Variants in GRAMD2A observed in about 807,000 individuals in gnomAD.
The protein encoded by GRAMD2A is GRAM domain-containing protein 2A.
A neutral mutation model predicts 51.1 loss-of-function variants in GRAMD2A; 37 were observed. The observed-to-expected ratio is 0.72, with a 90% CI of 0.56 to 0.95. The LOEUF (loss-of-function observed/expected upper bound fraction) is 0.95. Ranked by LOEUF, GRAMD2A falls within the 40% of genes least tolerant of loss-of-function variation. The pLI, the probability that GRAMD2A is intolerant of heterozygous loss-of-function variation, is 0.00. For missense variants in GRAMD2A, 414 were observed against 426.9 expected (o/e 0.97, Z 0.27); for synonymous variants, 136 against 157.1 (o/e 0.87, Z 1.01).
At chr15:72,177,971 A>C (rs940360843) in intron 1 of GRAMD2A, among the ~76,000 whole-genome samples, 1 of 151,888 alleles carries the variant, frequency 6.6e-6, no homozygotes, top group Non-Finnish European at 1.5e-5. Context: ...CAAGTGATCC[A>C]CCCGCCTCGG....
chr15:72,168,562 G>T lies in GRAMD2A; in HGVS notation c.197C>A (p.Thr66Lys). 2 of 1,613,276 alleles carry T rather than the reference G, an allele frequency of 1.2e-6. No individual in the cohort carries two copies. The highest frequency in any genetic ancestry group is 1.7e-6 in the Non-Finnish European group (2 of 1,179,386). Residue 66 changes from threonine to lysine, a missense_variant, in exon 4 of 12, where the codon ACA (threonine) becomes AAA (lysine). Coordinates refer to ENST00000309731, the MANE Select transcript of GRAMD2A (RefSeq NM_001012642.3). ...EIKKCGREGI[T>K]LNKYNQQYHK... The stretch of plus-strand genomic sequence containing the variant: ...GTATTGCTGGTTGTATTTATTCAGT[G>T]TTATCTGCAAACACACAGGCTGCGT...
At chr15:72,184,945 A>G (rs1283271037) in intron 1 of GRAMD2A, among the ~76,000 whole-genome samples, 1 of 152,242 alleles carries the variant, frequency 6.6e-6, no homozygotes, top group Non-Finnish European at 1.5e-5. Context: ...TTGGGCACCA[A>G]AGTAGGCAGA....
At chr15:72,165,463 A>C in intron 7 of GRAMD2A, 53 bp from the exon 8 acceptor site, 6 of 1,554,370 alleles carry the variant, frequency 3.9e-6, no homozygotes, top group Non-Finnish European at 4.4e-6. Flanking sequence ...AGGCAAGGTC[A>C]GGCAGGGGGA....
chr15:72,177,969 C>T (rs1025612146), intron 1 of GRAMD2A, among the ~76,000 whole-genome samples: 1 of 152,194 alleles, frequency 6.6e-6, no homozygotes, highest in African/African-American at 2.4e-5. Context: ...TTCAAGTGAT[C>T]CACCCGCCTC....
At chr15:72,192,987 G>T (rs970144172) in intron 1 of GRAMD2A, among the ~76,000 whole-genome samples, 5 of 151,942 alleles carry the variant, frequency 3.3e-5, no homozygotes, top group African/African-American at 9.7e-5. Context: ...TTAGTCGGGC[G>T]TGGTGGCACA....
intron 1 of GRAMD2A, among the ~76,000 whole-genome samples, chr15:72,180,615 A>G (rs2081690158): frequency 6.6e-6 from 1 of 152,166 alleles, no homozygotes; most frequent in South Asian, 2.1e-4. Flanking sequence ...TACCCACCTC[A>G]GAATTACTCT....
At chr15:72,178,568 C>CTTTTTTTTTTTTTT (rs537075334) in intron 1 of GRAMD2A, among the ~76,000 whole-genome samples, 3 of 84,200 alleles carry the variant, frequency 3.6e-5, no homozygotes, top group African/African-American at 1.4e-4. Flanking sequence ...CTTGCACTTT[C>CTTTTTTTTTTTTTT]TTTTTTTTTT....
At chr15:72,197,662 GCGCGGCAGCAGCCCCT>G in intron 1 of GRAMD2A, 53 bp downstream of exon 1, 3 of 1,206,938 alleles carry the variant, frequency 2.5e-6, no homozygotes, top group African/African-American at 1.6e-5. Context: ...GTCCTGCCCC[GCGCGGCAGCAGCCCCT>G]CGCGGCGGCC....
chr15:72,163,792 C>G, intron 8 of GRAMD2A, 35 bp from the exon 9 acceptor site: 1 of 1,597,122 alleles, frequency 6.3e-7, no homozygotes, highest in Non-Finnish European at 8.5e-7. Flanking sequence ...CTTACCATGG[C>G]CCTTGCGATC....
intron 1 of GRAMD2A, among the ~76,000 whole-genome samples, chr15:72,188,313 G>A (rs1459418173): frequency 6.6e-6 from 1 of 151,352 alleles, no homozygotes; most frequent in African/African-American, 2.4e-5. Context: ...CTCCAGCCTG[G>A]GCAACAGAGC....
At chr15:72,183,643 A>G (rs2081714508) in intron 1 of GRAMD2A, among the ~76,000 whole-genome samples, 1 of 152,234 alleles carries the variant, frequency 6.6e-6, no homozygotes, top group Non-Finnish European at 1.5e-5. Flanking sequence ...CAGCCTGGCC[A>G]ACATGGTGAA....
chr15:72,180,843 A>C (rs917290657), intron 1 of GRAMD2A, among the ~76,000 whole-genome samples: 3 of 152,148 alleles, frequency 2.0e-5, no homozygotes, highest in African/African-American at 7.2e-5. Flanking sequence ...AGGGACAACA[A>C]ATGTTGTCTG....
At chr15:72,197,677 C>T in intron 1 of GRAMD2A, 54 bp downstream of exon 1, 2 of 1,259,964 alleles carry the variant, frequency 1.6e-6, no homozygotes, top group Non-Finnish European at 2.0e-6. Flanking sequence ...GCAGCAGCCC[C>T]TCGCGGCGGC....
chr15:72,195,810 C>T (rs539669804), intron 1 of GRAMD2A, among the ~76,000 whole-genome samples: 2 of 151,388 alleles, frequency 1.3e-5, no homozygotes, highest in Non-Finnish European at 2.9e-5. Context: ...ATCCCACCTA[C>T]TCGGGAGGCT....
chr15:72,176,380 CCT>C (rs2081653078), intron 1 of GRAMD2A, among the ~76,000 whole-genome samples: 1 of 152,234 alleles, frequency 6.6e-6, no homozygotes, highest in African/African-American at 2.4e-5. Context: ...TTGGGCATCT[CCT>C]CCTCCAAGGA....
intron 1 of GRAMD2A, among the ~76,000 whole-genome samples, chr15:72,194,245 C>T (rs2081789422): frequency 6.6e-6 from 1 of 152,200 alleles, no homozygotes; most frequent in Non-Finnish European, 1.5e-5. Flanking sequence ...TTCTGGTGTT[C>T]AGGCTCACAC....
At chr15:72,183,614 G>A (rs1168570019) in intron 1 of GRAMD2A, among the ~76,000 whole-genome samples, 1 of 151,858 alleles carries the variant, frequency 6.6e-6, no homozygotes, top group South Asian at 2.1e-4. Context: ...TGAATCACCT[G>A]AGATCGGCAG....
At chr15:72,194,106 G>GC (rs2081788409) in intron 1 of GRAMD2A, among the ~76,000 whole-genome samples, 1 of 152,194 alleles carries the variant, frequency 6.6e-6, no homozygotes, top group Admixed American at 6.5e-5. Flanking sequence ...ACAGACTGAT[G>GC]CCCTGAAGTC....
At chr15:72,164,351 AT>A (rs2081516601) in intron 8 of GRAMD2A, among the ~76,000 whole-genome samples, 1 of 151,972 alleles carries the variant, frequency 6.6e-6, no homozygotes, top group South Asian at 2.1e-4. Context: ...CAAATCTAAA[AT>A]AAGTCTGTCT....
Sources: allele counts gnomAD v4.1 joint callset (sites outside exome capture counted in the v4.1 genomes callset), GRCh38; gene constraint gnomAD v4.1.1; transcripts MANE v1.5; gene names NCBI Gene and HGNC (gene_info 2026-07-23, HGNC 2026-07-21).